The following RYR3 variants were observed in gnomAD, a reference collection of about 807,000 sequenced individuals.
RYR3 encodes the protein ryanodine receptor 3, also known as brain ryanodine receptor-calcium release channel.
In RYR3, 207 loss-of-function variants were observed where a neutral mutation model predicts 584.3. The ratio of observed to expected loss-of-function variants is 0.35; its 90% CI spans 0.32 to 0.40. The LOEUF (loss-of-function observed/expected upper bound fraction) is 0.40, where lower values mean the gene tolerates loss of function less well. Ranked by LOEUF, RYR3 falls within the 10% of genes least tolerant of loss-of-function variation. RYR3 has a pLI of 1.00. For synonymous variants in RYR3, 2,416 were observed against 2,248.5 expected (o/e 1.07, Z -2.11); for missense variants, 5,616 against 6,089.2 (o/e 0.92, Z 2.59).
At chr15:33,821,101 T>C (rs1262211886) in intron 78 of RYR3, among the ~76,000 whole-genome samples, 169 bp from the exon 79 acceptor site, 1 of 151,922 alleles carries the variant, frequency 6.6e-6, no homozygotes, top group East Asian at 1.9e-4. Context: ...GTAGACAGTT[T>C]TAGAAAGCTG....
chr15:33,504,304 C>T (rs2052269639), intron 3 of RYR3, among the ~76,000 whole-genome samples: 1 of 152,170 alleles, frequency 6.6e-6, no homozygotes, highest in African/African-American at 2.4e-5. Context: ...TTGCCTATGT[C>T]AGAAGGCTTT....
intron 2 of RYR3, among the ~76,000 whole-genome samples, chr15:33,475,205 A>T (rs2676012): frequency 0.15 from 22,522 of 152,184 alleles, 4,289 homozygotes; most frequent in African/African-American, 0.45. Context: ...CTCATCTGCC[A>T]AATGAGGTGC....
chr15:33,687,413 A>G (rs1441427189), intron 38 of RYR3, among the ~76,000 whole-genome samples: 1 of 152,224 alleles, frequency 6.6e-6, no homozygotes, highest in African/African-American at 2.4e-5. Flanking sequence ...GAAATGAAAG[A>G]GGACACAAAC....
In RYR3 at chr15:33,579,875, T is replaced by C; in HGVS notation, c.1269-101T>C. On this transcript the variant is annotated intron_variant, in intron 12 of 103. Coordinates refer to ENST00000634891, the MANE Select transcript of RYR3 (RefSeq NM_001036.6). ...AGTGGCCGCCCAAGGAAGCAACTCA[T>C]GGTGCACCGTGGGGGGCTGTTAGGA... 3 of 797,842 alleles carry C rather than the reference T, an allele frequency of 3.8e-6. 1 individual carries two copies. Among genetic ancestry groups the C allele is most frequent in the East Asian group, 5.9e-5 (2 of 33,734 alleles). 49.4% of individuals were successfully genotyped at this position (797,842 alleles called of 1,614,324 possible). A position where few individuals can be genotyped will look rare whatever the true frequency, so the allele number is the denominator to read the frequency against.
intron 20 of RYR3, among the ~76,000 whole-genome samples, chr15:33,624,935 A>G (rs900878870): frequency 6.6e-5 from 10 of 152,178 alleles, no homozygotes; most frequent in Admixed American, 5.9e-4. Flanking sequence ...ACCCTATTAC[A>G]TTCATCCATG....
At chr15:33,362,850 T>G (rs1220392156) in intron 1 of RYR3, among the ~76,000 whole-genome samples, 1 of 152,222 alleles carries the variant, frequency 6.6e-6, no homozygotes, top group Non-Finnish European at 1.5e-5. Context: ...TATTAACATC[T>G]TCTTTCTGTG....
chr15:33,792,457 C>T (rs1467550753), intron 67 of RYR3, among the ~76,000 whole-genome samples: 2 of 152,194 alleles, frequency 1.3e-5, no homozygotes, highest in African/African-American at 2.4e-5. Flanking sequence ...CCTTCTCTCC[C>T]ATCAGTCAGT....
chr15:33,726,673 T>C lies in RYR3; in HGVS notation c.7033+167T>C, dbSNP rs190377003. 3.1e-3 allele frequency among the ~76,000 whole-genome samples: 468 copies of C among 152,384 alleles called. 2 individuals are homozygous for C. The highest frequency in any genetic ancestry group is 4.4e-3 in the Admixed American group (68 of 15,312). ...GTGATGAGTTTTCTCCTCTAGGCTC[T>C]AGCCAGCTGCTCTCTTGTCTTCTCA... On this transcript the variant is annotated intron_variant, in intron 46 of 103. Transcript: ENST00000634891.
intron 10 of RYR3, among the ~76,000 whole-genome samples, chr15:33,554,061 C>T (rs1161434717): frequency 3.9e-5 from 6 of 152,168 alleles, no homozygotes; most frequent in East Asian, 1.9e-4. Flanking sequence ...TGCTTTCAGG[C>T]GAGTGTCAAG....
At chr15:33,620,408 C>G (rs1401471686) in intron 19 of RYR3, among the ~76,000 whole-genome samples, 1 of 152,186 alleles carries the variant, frequency 6.6e-6, no homozygotes, top group African/African-American at 2.4e-5. Flanking sequence ...GTGTGATAGG[C>G]TGTGGCTGAT....
chr15:33,482,967 C>T (rs895864036), intron 2 of RYR3, among the ~76,000 whole-genome samples: 6 of 152,066 alleles, frequency 3.9e-5, no homozygotes, highest in African/African-American at 1.4e-4. Context: ...ATTTTTTCTT[C>T]AACTATTTTT....
chr15:33,726,501 A>G lies in RYR3; in HGVS notation c.7028A>G (p.Asn2343Ser). 2 of 1,593,290 alleles carry G rather than the reference A, an allele frequency of 1.3e-6. No homozygotes were observed. Among genetic ancestry groups the G allele is most frequent in the Non-Finnish European group, 1.7e-6 (2 of 1,169,522 alleles). The change falls in exon 46 of 104, where the codon AAC (asparagine) becomes AGC (serine). Residue 2343 changes from asparagine to serine, a missense_variant. Coordinates refer to ENST00000634891, the MANE Select transcript of RYR3 (RefSeq NM_001036.6). ...ISIPLKLPSLNKDGSVSEPDM... is the reference protein window; with the variant it reads ...ISIPLKLPSLSKDGSVSEPDM... ...ATCCCCTTGAAACTGCCCTCCCTCA[A>G]CAAAGGTAAGGGGAGTGACTGCAGG...
intron 1 of RYR3, among the ~76,000 whole-genome samples, chr15:33,342,331 C>T (rs1971921979): frequency 6.6e-6 from 1 of 152,160 alleles, no homozygotes; most frequent in Non-Finnish European, 1.5e-5. Context: ...TACAAGATGA[C>T]AGAAGTTGTA....
chr15:33,464,489 T>TATACACAC (rs1450450145), intron 1 of RYR3, among the ~76,000 whole-genome samples: 1 of 67,452 alleles, frequency 1.5e-5, no homozygotes, highest in African/African-American at 8.3e-5. Flanking sequence ...TATATATATA[T>TATACACAC]ACACATATAT....
intron 1 of RYR3, among the ~76,000 whole-genome samples, chr15:33,443,184 G>C (rs1396837176): frequency 6.6e-6 from 1 of 151,884 alleles, no homozygotes; most frequent in African/African-American, 2.4e-5. Context: ...CCTTGAACTA[G>C]GGAGGAGGAG....
chr15:33,433,979 C>A (rs2045437426), intron 1 of RYR3, among the ~76,000 whole-genome samples: 1 of 152,168 alleles, frequency 6.6e-6, no homozygotes, highest in South Asian at 2.1e-4. Context: ...CATTTTTCTT[C>A]AAGTGCAACA....
chr15:33,638,052 G>T (rs2061594505), intron 27 of RYR3, among the ~76,000 whole-genome samples: 1 of 152,082 alleles, frequency 6.6e-6, no homozygotes, highest in African/African-American at 2.4e-5. Flanking sequence ...AATATTTGGA[G>T]AAATATAAAG....
chr15:33,726,281 G>T, intron 45 of RYR3, 105 bp from the exon 46 acceptor site: 1 of 1,233,224 alleles, frequency 8.1e-7, no homozygotes, highest in East Asian at 2.5e-5. Flanking sequence ...ACATAGAAAT[G>T]GACCCCTGCC....
chr15:33,479,521 T>A (rs548399035), intron 2 of RYR3, among the ~76,000 whole-genome samples: 2 of 150,818 alleles, frequency 1.3e-5, no homozygotes, highest in Non-Finnish European at 2.9e-5. Flanking sequence ...TCAGGCATCA[T>A]GCGCTATGTC....
Sources: allele counts gnomAD v4.1 joint callset (sites outside exome capture counted in the v4.1 genomes callset), GRCh38; gene constraint gnomAD v4.1.1; transcripts MANE v1.5; gene names NCBI Gene and HGNC (gene_info 2026-07-23, HGNC 2026-07-21).